MAPK6: variants seen among roughly 807,000 people sequenced by gnomAD.
MAPK6 encodes mitogen-activated protein kinase 6.
Under a neutral mutation model 59.3 loss-of-function variants are expected in MAPK6, and 19 were observed. That is an observed-to-expected ratio of 0.32 (90% CI 0.22 to 0.47). The LOEUF (loss-of-function observed/expected upper bound fraction) is 0.47. Among genes scored for constraint, MAPK6 ranks in the 20% least tolerant of loss-of-function variants. The pLI, the probability that MAPK6 is intolerant of heterozygous loss-of-function variation, is 1.00. For missense variants in MAPK6, 724 were observed against 847.9 expected (o/e 0.85, Z 1.81); for synonymous variants, 316 against 290.3 (o/e 1.09, Z -0.90).
At chr15:52,040,224 G>A (rs1273476640) in intron 1 of MAPK6, among the ~76,000 whole-genome samples, 2 of 152,238 alleles carry the variant, frequency 1.3e-5, no homozygotes, top group South Asian at 2.1e-4. Flanking sequence ...AGGGTTAGGA[G>A]ATAGCCCTAG....
chr15:52,006,854 T>C (rs2029903876), intron 3 of MAPK6, among the ~76,000 whole-genome samples: 1 of 152,198 alleles, frequency 6.6e-6, no homozygotes, highest in Non-Finnish European at 1.5e-5. Flanking sequence ...GTCTCAGCAC[T>C]TCTAAGCTAG....
intron 1 of MAPK6, among the ~76,000 whole-genome samples, chr15:51,976,117 T>C (rs2057156568): frequency 6.6e-6 from 1 of 151,044 alleles, no homozygotes; most frequent in Non-Finnish European, 1.5e-5. Context: ...ATATAAAAAA[T>C]TTGCCGGGCG....
chr15:52,055,572 G>C (rs767652721), intron 3 of MAPK6, among the ~76,000 whole-genome samples: 19 of 152,194 alleles, frequency 1.2e-4, no homozygotes, highest in Non-Finnish European at 2.2e-4. Context: ...CTGGAGTGCA[G>C]TTGCATGAGC....
At chr15:52,060,543 C>T (rs1257823395) in intron 4 of MAPK6, among the ~76,000 whole-genome samples, 4 of 152,034 alleles carry the variant, frequency 2.6e-5, no homozygotes, top group Non-Finnish European at 4.4e-5. Context: ...GGCCAGGGAG[C>T]AGAGAGAGTA....
chr15:52,022,140 A>G (rs1302097252), intron 1 of MAPK6, among the ~76,000 whole-genome samples: 1 of 152,214 alleles, frequency 6.6e-6, no homozygotes, highest in African/African-American at 2.4e-5. Context: ...TCTGGGCAAC[A>G]TAACGAGACC....
intron 3 of MAPK6, among the ~76,000 whole-genome samples, chr15:52,054,933 A>G (rs2031915916): frequency 6.6e-6 from 1 of 152,110 alleles, no homozygotes; most frequent in South Asian, 2.1e-4. Context: ...GATTACAGGC[A>G]TCTGCCACCA....
chr15:52,015,718 C>G (rs2030216087), upstream of MAPK6, among the ~76,000 whole-genome samples: 1 of 150,032 alleles, frequency 6.7e-6, no homozygotes, highest in African/African-American at 2.4e-5. Context: ...TCCCAAAGTG[C>G]TGGGATTACA....
chr15:52,016,107 C>CACACAA (rs1267339787), upstream of MAPK6, among the ~76,000 whole-genome samples: 1,210 of 136,094 alleles, frequency 8.9e-3, 29 homozygotes, highest in African/African-American at 0.026. Context: ...CACACACACA[C>CACACAA]AAACTAAAAC....
chr15:52,037,048 G>A (rs2031266394), intron 1 of MAPK6, among the ~76,000 whole-genome samples: 1 of 152,148 alleles, frequency 6.6e-6, no homozygotes, highest in Admixed American at 6.5e-5. Context: ...TGTAATTCCA[G>A]CACTTTGGAA....
intron 4 of MAPK6, 98 bp from the exon 5 acceptor site, chr15:52,061,201 T>G (rs549579874): frequency 1.1e-6 from 1 of 876,874 alleles, no homozygotes; most frequent in African/African-American, 1.7e-5. Context: ...GCTAAGGTAA[T>G]CACTTAGCTA....
chr15:52,053,188 C>G (rs1393104069), intron 3 of MAPK6, among the ~76,000 whole-genome samples: 1 of 150,764 alleles, frequency 6.6e-6, no homozygotes, highest in Non-Finnish European at 1.5e-5. Context: ...TTCTCCTGCT[C>G]TCAGCCTCCC....
At chr15:52,035,098 C>T (rs897405800) in intron 1 of MAPK6, among the ~76,000 whole-genome samples, 10 of 152,196 alleles carry the variant, frequency 6.6e-5, no homozygotes, top group Admixed American at 6.5e-4. Flanking sequence ...ATTCTCTTTG[C>T]TTTCTAGTCT....
Position 51,997,929 on chromosome 15 carries a change from C to G in MAPK6, c.-769-6336C>G, listed in dbSNP as rs1049718767. On this transcript the variant is annotated intron_variant, in intron 2 of 7. Transcript: ENST00000691380. ...TTCTTTCTTTTCTTTCTTTCTCTTT[C>G]TTTCTTTCTTTCTTTCTTTCTTTTT... 5.4e-5 allele frequency among the ~76,000 whole-genome samples: 8 copies of G among 148,820 alleles called. No homozygotes were observed. The South Asian group carries it at 1.7e-3, about 31-fold the overall frequency.
intron 4 of MAPK6, among the ~76,000 whole-genome samples, chr15:52,060,082 T>C (rs1207305661): frequency 6.6e-6 from 1 of 152,150 alleles, no homozygotes; most frequent in African/African-American, 2.4e-5. Context: ...CATATATTTC[T>C]CTAAGCATGG....
At chr15:52,037,364 A>G (rs1314175952) in intron 1 of MAPK6, among the ~76,000 whole-genome samples, 2 of 152,210 alleles carry the variant, frequency 1.3e-5, no homozygotes, top group African/African-American at 4.8e-5. Context: ...AAACAACAGC[A>G]GTCACGTTTG....
chr15:52,020,202 CT>C (rs1215366926), intron 1 of MAPK6, among the ~76,000 whole-genome samples: 1 of 152,226 alleles, frequency 6.6e-6, no homozygotes, highest in African/African-American at 2.4e-5. Context: ...TTTAGTCCGC[CT>C]TGTGAGTTGT....
exon 2 of MAPK6, among the ~76,000 whole-genome samples, chr15:51,983,222 C>T (rs558686360): frequency 4.5e-4 from 68 of 152,144 alleles, no homozygotes; most frequent in Non-Finnish European, 8.7e-4. Flanking sequence ...CGTGGTGCCT[C>T]ATGCCTGTAA....
At chr15:52,043,511 G>A (rs1022883408) in intron 1 of MAPK6, among the ~76,000 whole-genome samples, 1 of 151,620 alleles carries the variant, frequency 6.6e-6, no homozygotes, top group Non-Finnish European at 1.5e-5. Flanking sequence ...TTGGTAGGCT[G>A]ATCTCGAACT....
Position 52,066,622 on chromosome 15 carries a change from A to G in MAPK6, c.*1622A>G, listed in dbSNP as rs992537672. On this transcript the variant is annotated 3_prime_UTR_variant, in exon 6 of 6. Transcript: ENST00000261845. ...ACACCAATTCTATTAATATCTGCCC[A>G]CCTACCTTCTCAACAACTCCATCCT... The G allele has an allele frequency of 6.7e-6, 1 of 148,330 alleles. No individual in the cohort carries two copies. The highest frequency in any genetic ancestry group is 2.5e-5 in the African/African-American group (1 of 40,142). 9.2% of individuals were successfully genotyped at this position (148,330 alleles called of 1,614,324 possible).
Sources: gnomAD v4.1 joint callset for allele counts (sites outside exome capture counted in the v4.1 genomes callset) on GRCh38, gnomAD v4.1.1 for gene constraint, MANE v1.5 for transcripts, NCBI Gene and HGNC (gene_info 2026-07-23, HGNC 2026-07-21) for gene names.